The following RBFOX3 variants were observed in gnomAD, a reference collection of about 807,000 sequenced individuals.
RBFOX3 encodes RNA binding protein fox-1 homolog 3.
Under a neutral mutation model 48.7 loss-of-function variants are expected in RBFOX3, and 17 were observed. The ratio of observed to expected loss-of-function variants is 0.35; its 90% CI spans 0.24 to 0.52. The LOEUF (loss-of-function observed/expected upper bound fraction) is 0.52. RBFOX3 is among the 20% of genes least tolerant of loss of function. The pLI, the probability that RBFOX3 is intolerant of heterozygous loss-of-function variation, is 0.94. For missense variants in RBFOX3, 382 were observed against 497.5 expected (o/e 0.77, Z 2.21); for synonymous variants, 212 against 209.5 (o/e 1.01, Z -0.10).
At chr17:79,543,162 A>G (rs772969633) in intron 1 of RBFOX3, among the ~76,000 whole-genome samples, 10 of 152,220 alleles carry the variant, frequency 6.6e-5, no homozygotes, top group Non-Finnish European at 1.3e-4. Flanking sequence ...TCAGAACCGT[A>G]TCTTTGCAAG....
At position 79,564,639 on chromosome 17, in the gene RBFOX3, C is replaced by T. The variant is rs975084840; in HGVS notation, c.-320+46187G>A. Among the ~76,000 whole-genome samples the T allele has an allele frequency of 1.1e-4, 16 of 152,166 alleles. No individual in the cohort carries two copies. In the Middle Eastern group the frequency reaches 0.01, roughly 97 times the overall value. ...AAGTTAATCACAGGATTATTTATAA[C>T]GCAGAAAAAAACTGGAAACAACCCA... On this transcript the variant is annotated intron_variant, in intron 1 of 14. Transcript: ENST00000693108.
intron 4 of RBFOX3, among the ~76,000 whole-genome samples, chr17:79,137,892 T>C (rs972657102): frequency 1.3e-5 from 2 of 152,222 alleles, no homozygotes; most frequent in Non-Finnish European, 2.9e-5. Flanking sequence ...GGCCCGTTCC[T>C]GCCGACGCTG....
intron 3 of RBFOX3, among the ~76,000 whole-genome samples, chr17:79,250,963 C>T (rs1204042166): frequency 6.6e-6 from 1 of 152,078 alleles, no homozygotes; most frequent in Non-Finnish European, 1.5e-5. Flanking sequence ...TACGTGCCAC[C>T]AAGCCCGGCT....
chr17:79,127,567 G>A (rs2007979), intron 4 of RBFOX3, among the ~76,000 whole-genome samples: 27,482 of 152,092 alleles, frequency 0.18, 3,197 homozygotes, highest in African/African-American at 0.33. Context: ...TATCTAAAAC[G>A]GATGAAGATT....
chr17:79,661,351 A>T, the RBFOX3 span, among the ~76,000 whole-genome samples: 1 of 152,148 alleles, frequency 6.6e-6, no homozygotes, highest in African/African-American at 2.4e-5. Flanking sequence ...TGAACTTCAC[A>T]TGAGTGGAAT....
chr17:79,210,347 A>C (rs1410239607), intron 4 of RBFOX3, among the ~76,000 whole-genome samples: 1 of 152,130 alleles, frequency 6.6e-6, no homozygotes, highest in Middle Eastern at 3.2e-3. Flanking sequence ...CTTCATCTCC[A>C]TGCGGTTATA....
At chr17:79,351,478 C>T (rs898447630) in intron 2 of RBFOX3, among the ~76,000 whole-genome samples, 1 of 152,174 alleles carries the variant, frequency 6.6e-6, no homozygotes, top group Admixed American at 6.5e-5. Flanking sequence ...TGGCTCACTG[C>T]AGCCTCCACC....
intron 3 of RBFOX3, among the ~76,000 whole-genome samples, chr17:79,237,212 T>C (rs1381297912): frequency 2.6e-5 from 4 of 152,210 alleles, no homozygotes; most frequent in African/African-American, 9.7e-5. Flanking sequence ...GCTTCTGGAA[T>C]TGAAAGACGG....
chr17:79,417,747 G>A (rs1408099614), intron 2 of RBFOX3, among the ~76,000 whole-genome samples: 2 of 152,236 alleles, frequency 1.3e-5, no homozygotes, highest in East Asian at 1.9e-4. Flanking sequence ...ACTGAGAGCC[G>A]CAACTCCAAC....
At chr17:79,529,832 C>A (rs1555786850) in intron 1 of RBFOX3, among the ~76,000 whole-genome samples, 1 of 152,190 alleles carries the variant, frequency 6.6e-6, no homozygotes, top group Non-Finnish European at 1.5e-5. Flanking sequence ...AGGGCCAAAC[C>A]CAGCTCCCCC....
At chr17:79,655,903 A>G in the RBFOX3 span, among the ~76,000 whole-genome samples, 1 of 152,066 alleles carries the variant, frequency 6.6e-6, no homozygotes, top group African/African-American at 2.4e-5. Flanking sequence ...GACCCGCCTG[A>G]CCCATCCAGC....
chr17:79,092,961 G>GGA (rs1378529069), intron 14 of RBFOX3, among the ~76,000 whole-genome samples: 1 of 151,918 alleles, frequency 6.6e-6, no homozygotes, highest in African/African-American at 2.4e-5. Context: ...ATGCAGAGGG[G>GGA]GGGTCCCAGC....
intron 2 of RBFOX3, among the ~76,000 whole-genome samples, chr17:79,453,205 T>C (rs1238235220): frequency 1.3e-5 from 2 of 152,244 alleles, no homozygotes; most frequent in African/African-American, 4.8e-5. Context: ...AGAGTGCGTG[T>C]TGGCTCTGCC....
At chr17:79,617,553 AACCTCG>A in the RBFOX3 span, among the ~76,000 whole-genome samples, 1 of 151,898 alleles carries the variant, frequency 6.6e-6, no homozygotes, top group Non-Finnish European at 1.5e-5. Flanking sequence ...CCTTTCTAGA[AACCTCG>A]ACTTCATCCT....
At chr17:79,574,347 C>G (rs2092785728) in intron 1 of RBFOX3, among the ~76,000 whole-genome samples, 2 of 152,166 alleles carry the variant, frequency 1.3e-5, no homozygotes, top group South Asian at 4.1e-4. Context: ...AAAGTCCCAG[C>G]TGCTAAAACA....
chr17:79,417,451 C>T (rs548254058), intron 2 of RBFOX3, among the ~76,000 whole-genome samples: 1 of 152,308 alleles, frequency 6.6e-6, no homozygotes, highest in South Asian at 2.1e-4. Flanking sequence ...AGTAGCTGTT[C>T]CCCACGGCCT....
intron 4 of RBFOX3, among the ~76,000 whole-genome samples, chr17:79,228,573 C>T (rs118035293): frequency 0.031 from 4,703 of 152,262 alleles, 110 homozygotes; most frequent in Non-Finnish European, 0.046. Context: ...ATCCAGAAAG[C>T]CAAGGGAGGC....
chr17:79,575,121 C>T (rs2092815651), intron 1 of RBFOX3, among the ~76,000 whole-genome samples: 1 of 152,216 alleles, frequency 6.6e-6, no homozygotes, highest in African/African-American at 2.4e-5. Context: ...TGTGAAGCCC[C>T]CCAGGCGATT....
At chr17:79,485,406 C>T (rs1237729727) in intron 1 of RBFOX3, among the ~76,000 whole-genome samples, 1 of 152,172 alleles carries the variant, frequency 6.6e-6, no homozygotes, top group Non-Finnish European at 1.5e-5. Context: ...GGAGCAAAGA[C>T]AGGGTCGGGA....
Sources: gnomAD v4.1 joint callset for allele counts (sites outside exome capture counted in the v4.1 genomes callset) on GRCh38, gnomAD v4.1.1 for gene constraint, MANE v1.5 for transcripts, NCBI Gene and HGNC (gene_info 2026-07-23, HGNC 2026-07-21) for gene names.